NAT10: variants seen among roughly 807,000 people sequenced by gnomAD.
NAT10 encodes N-acetyltransferase 10, also known as RNA cytidine acetyltransferase.
Under a neutral mutation model 132.2 loss-of-function variants are expected in NAT10, and 109 were observed. That is an observed-to-expected ratio of 0.82 (90% CI 0.71 to 0.97). NAT10 has a LOEUF of 0.97. Ranked by LOEUF, NAT10 falls within the 50% of genes least tolerant of loss-of-function variation. The pLI is 0.00. For synonymous variants in NAT10, 479 were observed against 478.0 expected (o/e 1.00, Z -0.03); for missense variants, 1,184 against 1,263.4 (o/e 0.94, Z 0.95).
chr11:34,118,239 T>A lies in NAT10; in HGVS notation c.617T>A (p.Ile206Asn). 1 of 1,614,188 alleles carries A rather than the reference T, an allele frequency of 6.2e-7. No homozygotes were observed. The highest frequency in any genetic ancestry group is 8.5e-7 in the Non-Finnish European group (1 of 1,180,028). ...KCLVIDDQLNILPISSHVATM... is the reference protein window; with the variant it reads ...KCLVIDDQLNNLPISSHVATM... The stretch of plus-strand genomic sequence containing the variant: ...CTCGTCATTGATGACCAGCTCAACA[T>A]CCTGCCCATCTCCTCCCACGTTGCC... The change falls in exon 7 of 29, where the codon ATC becomes AAC. Residue 206 changes from isoleucine to asparagine, a missense_variant. Coordinates refer to ENST00000257829, the MANE Select transcript of NAT10 (RefSeq NM_024662.3).
At position 34,128,483 on chromosome 11, in the gene NAT10, A is replaced by G. The variant is rs953128824; in HGVS notation, c.1244+884A>G. 2.6e-5 allele frequency among the ~76,000 whole-genome samples: 4 copies of G among 152,306 alleles called. No individual in the cohort carries two copies. In the South Asian group the frequency reaches 8.3e-4, roughly 32 times the overall value. On this transcript the variant is annotated intron_variant, in intron 12 of 28. Transcript: ENST00000257829. Reference sequence around the variant, plus strand: ...CTTTTTTCATTTGAACAAGAAAAACATTTTTAATTTGCATTTTGAATATAA... The same window carrying G: ...CTTTTTTCATTTGAACAAGAAAAACGTTTTTAATTTGCATTTTGAATATAA...
At position 34,136,780 on chromosome 11, in the gene NAT10, G is replaced by A; in HGVS notation, c.2162+5G>A. The A allele has an allele frequency of 1.2e-6, 2 of 1,614,116 alleles. No homozygotes were observed. Among genetic ancestry groups the A allele is most frequent in the Admixed American group, 1.7e-5 (1 of 60,010 alleles). ...CTTGACCCCCAGGCTCCTCAAGTAA[G>A]TGCCTGCCCTCCTTCCACGGCATCA... On this transcript the variant is annotated splice_donor_5th_base_variant and intron_variant, in intron 20 of 28. Coordinates refer to ENST00000257829, the MANE Select transcript of NAT10 (RefSeq NM_024662.3).
chr11:34,137,878 G>A (rs1481112438), intron 21 of NAT10, among the ~76,000 whole-genome samples: 2 of 152,188 alleles, frequency 1.3e-5, no homozygotes, highest in Non-Finnish European at 2.9e-5. Flanking sequence ...TTGAGAGGAT[G>A]AGGAGGATGA....
intron 4 of NAT10, among the ~76,000 whole-genome samples, chr11:34,112,896 CAAAATT>C (rs1448782410): frequency 2.6e-5 from 4 of 152,206 alleles, no homozygotes; most frequent in Admixed American, 6.5e-5. Flanking sequence ...AAAGACAAGA[CAAAATT>C]AAGCACAAAT....
chr11:34,127,337 G>T, intron 11 of NAT10, 126 bp from the exon 12 acceptor site: 1 of 1,101,744 alleles, frequency 9.1e-7, no homozygotes, highest in East Asian at 2.5e-5. Flanking sequence ...GTAGAAAGGA[G>T]GAATGAGAGG....
intron 6 of NAT10, among the ~76,000 whole-genome samples, chr11:34,116,804 A>G (rs1851791152): frequency 6.6e-6 from 1 of 152,226 alleles, no homozygotes; most frequent in Non-Finnish European, 1.5e-5. Context: ...CATGTTGGCC[A>G]GGCTGGTCCT....
At chr11:34,124,620 G>A (rs1479060413) in intron 11 of NAT10, among the ~76,000 whole-genome samples, 1 of 152,232 alleles carries the variant, frequency 6.6e-6, no homozygotes, top group African/African-American at 2.4e-5. Context: ...GAAAAGTTGT[G>A]TTTTTGTCCT....
At position 34,131,368 on chromosome 11, in the gene NAT10, T is replaced by C; in HGVS notation, c.1370-13T>C. The C allele has an allele frequency of 6.3e-7, 1 of 1,596,602 alleles. No homozygotes were observed. The highest frequency in any genetic ancestry group is 8.5e-7 in the Non-Finnish European group (1 of 1,171,002). ...ATTGTTTCTTCTTTTGTGTGTGTGATTGTGGGGAGCAGCGCGGACACTGTA... is the reference window on the plus strand; with the variant it reads ...ATTGTTTCTTCTTTTGTGTGTGTGACTGTGGGGAGCAGCGCGGACACTGTA... On this transcript the variant is annotated splice_polypyrimidine_tract_variant and intron_variant, in intron 13 of 28. Coordinates refer to ENST00000257829, the MANE Select transcript of NAT10 (RefSeq NM_024662.3).
Position 34,134,557 on chromosome 11 carries a change from C to T in NAT10, c.1882C>T (p.Arg628Cys), listed in dbSNP as rs939143863. 2.5e-6 allele frequency: 4 copies of T among 1,613,978 alleles called. No homozygotes were observed. Among genetic ancestry groups the T allele is most frequent in the Admixed American group, 1.7e-5 (1 of 59,994 alleles). Residue 628 changes from arginine to cysteine, a missense_variant, in exon 18 of 29, where the codon CGC becomes TGC. Coordinates refer to ENST00000257829, the MANE Select transcript of NAT10 (RefSeq NM_024662.3). ...FGGLSGGRVVRIAVHPDYQGM... is the reference protein window; with the variant it reads ...FGGLSGGRVVCIAVHPDYQGM... ...TGGTCTGTCTGGTGGAAGGGTCGTT[C>T]GCATTGCTGTTCACCCAGATTATCA...
chr11:34,136,884 T>G (rs2957521), intron 20 of NAT10, 94 bp from the exon 21 acceptor site: 1 of 1,610,806 alleles, frequency 6.2e-7, no homozygotes, highest in Non-Finnish European at 8.5e-7. Context: ...GCCTGCTATT[T>G]GTGGCGTGCT....
At chr11:34,137,164 T>A in intron 21 of NAT10, 138 bp downstream of exon 21, 2 of 857,228 alleles carry the variant, frequency 2.3e-6, no homozygotes, top group African/African-American at 1.7e-5. Flanking sequence ...AGGTTTATTC[T>A]GATGGACATG....
intron 14 of NAT10, 109 bp from the exon 15 acceptor site, chr11:34,132,016 G>A: frequency 1.2e-6 from 1 of 813,832 alleles, no homozygotes; most frequent in South Asian, 1.4e-5. Flanking sequence ...TTTCTGCTTA[G>A]GACACTGAGC....
intron 6 of NAT10, among the ~76,000 whole-genome samples, chr11:34,116,579 G>C (rs1339543795): frequency 6.6e-6 from 1 of 150,468 alleles, no homozygotes; most frequent in African/African-American, 2.5e-5. Flanking sequence ...CACCACACTC[G>C]GCTAATTTTT....
rs1001325858 is a variant in NAT10, at chr11:34,136,905, C to G, written c.2163-73C>G. The G allele has an allele frequency of 3.7e-6, 6 of 1,610,948 alleles. No homozygotes were observed. In the African/African-American group the frequency reaches 8.0e-5, roughly 22 times the overall value. On this transcript the variant is annotated intron_variant, in intron 20 of 28. Coordinates refer to ENST00000257829, the MANE Select transcript of NAT10 (RefSeq NM_024662.3). Reference sequence around the variant, plus strand: ...TATTTGTGGCGTGCTCTTCCTGGCTCTTGCCCTTGTGTGTCTATCAGCCAC... The same window carrying G: ...TATTTGTGGCGTGCTCTTCCTGGCTGTTGCCCTTGTGTGTCTATCAGCCAC...
rs769896312 is a variant in NAT10, at chr11:34,142,311, A to C, written c.2848A>C (p.Lys950Gln). The C allele has an allele frequency of 1.5e-5, 25 of 1,614,028 alleles. No individual in the cohort carries two copies. In the East Asian group the frequency reaches 4.7e-4, roughly 30 times the overall value. Residue 950 changes from lysine (K) to glutamine (Q), a missense_variant, in exon 27 of 29, where the codon AAG becomes CAG. Lys to Gln is a moderately conservative substitution (Grantham distance 53). Coordinates refer to ENST00000257829, the MANE Select transcript of NAT10 (RefSeq NM_024662.3). ...AAKEFQEKHK[K>Q]EVGKLKSMDL... is the part of the protein sequence containing the mutation. Reference sequence around the variant, plus strand: ...AAAGGAATTTCAGGAGAAACACAAGAAGGAAGTAGGGAAGCTGAAGAGCAT... The same window carrying C: ...AAAGGAATTTCAGGAGAAACACAAGCAGGAAGTAGGGAAGCTGAAGAGCAT...
At chr11:34,124,822 C>G (rs1238444493) in intron 11 of NAT10, among the ~76,000 whole-genome samples, 1 of 152,196 alleles carries the variant, frequency 6.6e-6, no homozygotes, top group Non-Finnish European at 1.5e-5. Context: ...GTGGTTTAGC[C>G]AGTGGCCTAT....
intron 21 of NAT10, 192 bp from the exon 22 acceptor site, chr11:34,138,999 G>A: frequency 1.7e-6 from 1 of 579,074 alleles, no homozygotes; most frequent in Non-Finnish European, 3.1e-6. Context: ...CAGCTGTTGT[G>A]TGTGAACTGA....
At position 34,146,245 on chromosome 11, in the gene NAT10, C is replaced by A; in HGVS notation, c.*53C>A. 1 of 1,330,704 alleles carries A rather than the reference C, an allele frequency of 7.5e-7. No homozygotes were observed. The highest frequency in any genetic ancestry group is 1.0e-6 in the Non-Finnish European group (1 of 960,030). 82.4% of individuals were successfully genotyped at this position (1,330,704 alleles called of 1,614,324 possible). A position where few individuals can be genotyped will look rare whatever the true frequency, so the allele number is the denominator to read the frequency against. On this transcript the variant is annotated 3_prime_UTR_variant, in exon 29 of 29. Transcript: ENST00000257829. ...GATCATGGGAAGATACTCTCACTAA[C>A]TGAACCCTCTCTGGCTGGACTGTTA...
chr11:34,109,180 G>A (rs1487496878), intron 3 of NAT10, among the ~76,000 whole-genome samples: 3 of 151,780 alleles, frequency 2.0e-5, no homozygotes, highest in East Asian at 1.9e-4. Flanking sequence ...TTTCATGGAG[G>A]GGGTATATGC....
Sources: allele counts gnomAD v4.1 joint callset (sites outside exome capture counted in the v4.1 genomes callset), GRCh38; gene constraint gnomAD v4.1.1; transcripts MANE v1.5; gene names NCBI Gene and HGNC (gene_info 2026-07-23, HGNC 2026-07-21).